Variants in CDH4 observed in about 807,000 individuals in gnomAD.
The protein encoded by CDH4 is cadherin-4.
Under a neutral mutation model 86.0 loss-of-function variants are expected in CDH4, and 33 were observed. That is an observed-to-expected ratio of 0.38 (90% confidence interval 0.29 to 0.51). The LOEUF is 0.51. Ranked by LOEUF, CDH4 falls within the 20% of genes least tolerant of loss-of-function variation. CDH4 has a pLI of 0.86. For synonymous variants in CDH4, 555 were observed against 549.4 expected (o/e 1.01, Z -0.14); for missense variants, 1,114 against 1,307.4 (o/e 0.85, Z 2.28).
At chr20:61,696,274 C>T (rs562470650) in intron 2 of CDH4, among the ~76,000 whole-genome samples, 7 of 152,364 alleles carry the variant, frequency 4.6e-5, no homozygotes, top group East Asian at 3.9e-4. Context: ...AAGGAAGCTC[C>T]GAGGCCTTTA....
At chr20:61,597,881 G>A (rs536096097) in intron 2 of CDH4, among the ~76,000 whole-genome samples, 8 of 152,234 alleles carry the variant, frequency 5.3e-5, no homozygotes, top group Non-Finnish European at 8.8e-5. Flanking sequence ...GGGCAGGGAC[G>A]GAACCCACCA....
chr20:61,293,581 C>T (rs1226804846), intron 2 of CDH4, among the ~76,000 whole-genome samples: 1 of 152,208 alleles, frequency 6.6e-6, no homozygotes, highest in Non-Finnish European at 1.5e-5. Flanking sequence ...TTGCATGTGT[C>T]CCCATCAGCG....
intron 7 of CDH4, among the ~76,000 whole-genome samples, chr20:61,882,818 C>T (rs8124066): frequency 0.18 from 26,957 of 151,816 alleles, 2,821 homozygotes; most frequent in African/African-American, 0.28. Flanking sequence ...CATGGGCCGC[C>T]CCAGCCCCCC....
intron 2 of CDH4, among the ~76,000 whole-genome samples, chr20:61,520,450 A>G (rs2085860225): frequency 6.6e-6 from 1 of 152,154 alleles, no homozygotes; most frequent in African/African-American, 2.4e-5. Flanking sequence ...TCTGTGAGGT[A>G]GAGATAACCC....
intron 8 of CDH4, among the ~76,000 whole-genome samples, chr20:61,900,458 C>A (rs893261782): frequency 2.6e-5 from 4 of 152,190 alleles, no homozygotes; most frequent in Admixed American, 2.0e-4. Flanking sequence ...CGCCTCCTTG[C>A]TCCTCCTACC....
chr20:61,605,554 CCTGTTTCTCCCTCTCT>C (rs1568709294), intron 2 of CDH4, among the ~76,000 whole-genome samples: 2 of 150,106 alleles, frequency 1.3e-5, no homozygotes, highest in Non-Finnish European at 3.0e-5. Context: ...TCTCTGTCTC[CCTGTTTCTCCCTCTCT>C]CTGTCTCTGC....
rs117275326 is a variant in CDH4 at position 61,490,870 on chromosome 20, G to T, written c.169+235933G>T. On this transcript the variant is annotated intron_variant, in intron 2 of 15. Coordinates refer to ENST00000614565, the MANE Select transcript of CDH4 (RefSeq NM_001794.5). ...TCCCAAATCCTTAAAGAAACGTAAA[G>T]TTACATTCAGGATAATCAAAGTGCT... is the stretch of plus-strand genomic sequence containing the variant. Among the ~76,000 whole-genome samples the T allele has an allele frequency of 1.6e-4, 25 of 152,194 alleles. 1 individual carries two copies. The East Asian group carries it at 4.8e-3, about 29-fold the overall frequency.
At chr20:61,585,640 A>G (rs1245994821) in intron 2 of CDH4, among the ~76,000 whole-genome samples, 1 of 151,444 alleles carries the variant, frequency 6.6e-6, no homozygotes, top group East Asian at 1.9e-4. Flanking sequence ...GGTGATGGTG[A>G]TGATGATGGT....
chr20:61,870,452 T>C (rs1229607431), intron 6 of CDH4, among the ~76,000 whole-genome samples: 1 of 152,110 alleles, frequency 6.6e-6, no homozygotes, highest in Non-Finnish European at 1.5e-5. Context: ...CTGCTTTCAG[T>C]GAGTACAACA....
chr20:61,911,046 C>T (rs1253168448), intron 9 of CDH4, among the ~76,000 whole-genome samples: 1 of 152,190 alleles, frequency 6.6e-6, no homozygotes, highest in Non-Finnish European at 1.5e-5. Flanking sequence ...ATAGCGTCCT[C>T]ATCTGGGTTT....
At chr20:61,586,632 A>G (rs977819864) in intron 2 of CDH4, among the ~76,000 whole-genome samples, 1 of 152,198 alleles carries the variant, frequency 6.6e-6, no homozygotes, top group African/African-American at 2.4e-5. Flanking sequence ...TTTTGTAGAC[A>G]AAAAACTTGA....
intron 4 of CDH4, 90 bp downstream of exon 4, chr20:61,773,272 C>T: frequency 1.6e-6 from 2 of 1,275,620 alleles, no homozygotes; most frequent in East Asian, 2.6e-5. Context: ...GCGGGTTCCG[C>T]GTTTGGTGTC....
Position 61,267,458 on chromosome 20 carries a change from C to A in CDH4, c.169+12521C>A, listed in dbSNP as rs1419892294. Among the ~76,000 whole-genome samples the A allele has an allele frequency of 3.3e-5, 5 of 152,118 alleles. No individual in the cohort carries two copies. In the East Asian group the frequency reaches 9.7e-4, roughly 29 times the overall value. On this transcript the variant is annotated intron_variant, in intron 2 of 15. Transcript: ENST00000614565. Reference sequence around the variant, plus strand: ...CTCAAAGTGCAGCTCAGGTGGGCGGCTTGAAACAGTGCTGGGTGTTTCCAT... The same window carrying A: ...CTCAAAGTGCAGCTCAGGTGGGCGGATTGAAACAGTGCTGGGTGTTTCCAT...
At chr20:61,488,321 C>A (rs1218909077) in intron 2 of CDH4, among the ~76,000 whole-genome samples, 3 of 152,196 alleles carry the variant, frequency 2.0e-5, no homozygotes, top group Non-Finnish European at 4.4e-5. Flanking sequence ...TTTAACGGAA[C>A]AGAACCGTTT....
At chr20:61,887,296 C>A (rs975543748) in intron 7 of CDH4, among the ~76,000 whole-genome samples, 12 of 152,300 alleles carry the variant, frequency 7.9e-5, no homozygotes, top group African/African-American at 1.2e-4. Context: ...TTCCTTCCTG[C>A]GGGTCTAGCT....
At chr20:61,640,866 G>A (rs762395024) in intron 2 of CDH4, among the ~76,000 whole-genome samples, 3 of 152,204 alleles carry the variant, frequency 2.0e-5, no homozygotes, top group Admixed American at 6.5e-5. Flanking sequence ...TCTTGGTTCC[G>A]TTTCTGCTAA....
chr20:61,653,650 G>C lies in CDH4; in HGVS notation c.170-89913G>C, dbSNP rs1282827646. Among the ~76,000 whole-genome samples the C allele has an allele frequency of 6.6e-3, 486 of 73,736 alleles. 1 individual carries two copies. Among genetic ancestry groups the C allele is most frequent in the Middle Eastern group, 0.031 (4 of 128 alleles). 48.4% of individuals were successfully genotyped at this position (73,736 alleles called of 152,430 possible). A position where few individuals can be genotyped will look rare whatever the true frequency, so the allele number is the denominator to read the frequency against. Reference sequence around the variant, plus strand: ...AGACGGGGTGGCTGCCGGGCTGAGGGGCTCCTCACTTCTCAGACAGGGCGG... The same window carrying C: ...AGACGGGGTGGCTGCCGGGCTGAGGCGCTCCTCACTTCTCAGACAGGGCGG... On this transcript the variant is annotated intron_variant, in intron 2 of 15. Transcript: ENST00000614565.
At chr20:61,496,854 A>G (rs2085666349) in intron 2 of CDH4, among the ~76,000 whole-genome samples, 1 of 151,776 alleles carries the variant, frequency 6.6e-6, no homozygotes, top group African/African-American at 2.4e-5. Flanking sequence ...TCCAATGAAA[A>G]TACTGCATGC....
rs77251285 is a variant in CDH4, at chr20:61,574,310, G to A, written c.170-169253G>A. ...AGCAAATGCCTGTGTGCCTCACCATGCAAGGATGTGCTTGGTAGAGGCCCC... is the reference window on the plus strand; with the variant it reads ...AGCAAATGCCTGTGTGCCTCACCATACAAGGATGTGCTTGGTAGAGGCCCC... On this transcript the variant is annotated intron_variant, in intron 2 of 15. Transcript: ENST00000614565. 8.7e-3 allele frequency among the ~76,000 whole-genome samples: 1,327 copies of A among 152,396 alleles called. 23 individuals are homozygous for A. Among genetic ancestry groups the A allele is most frequent in the African/African-American group, 0.031 (1,278 of 41,598 alleles).
Sources: allele counts gnomAD v4.1 joint callset (sites outside exome capture counted in the v4.1 genomes callset), GRCh38; gene constraint gnomAD v4.1.1; transcripts MANE v1.5; gene names NCBI Gene and HGNC (gene_info 2026-07-23, HGNC 2026-07-21).